Variants in FAM241B observed in about 807,000 individuals in gnomAD.
FAM241B encodes family with sequence similarity 241 member B, also known as protein FAM241B.
In FAM241B, 7 loss-of-function variants were observed where a neutral mutation model predicts 9.3. The ratio of observed to expected loss-of-function variants is 0.75; its 90% CI spans 0.43 to 1.41. The LOEUF (loss-of-function observed/expected upper bound fraction) is 1.41, where lower values mean the gene tolerates loss of function less well. FAM241B is among the 40% of genes most tolerant of loss of function. FAM241B has a pLI of 0.01. For missense variants in FAM241B, 136 were observed against 159.6 expected (o/e 0.85, Z 0.80); for synonymous variants, 60 against 64.1 (o/e 0.94, Z 0.31).
At position 69,633,329 on chromosome 10, in the gene FAM241B, G is replaced by A. The variant is rs1423242712; in HGVS notation, c.*270G>A. 8 of 519,956 alleles carry A rather than the reference G, an allele frequency of 1.5e-5. No homozygotes were observed. The highest frequency in any genetic ancestry group is 2.4e-5 in the South Asian group (1 of 42,020). 32.2% of individuals were successfully genotyped at this position (519,956 alleles called of 1,614,324 possible). ...TGGCACAAAATCAGAGCAAGAAAGC[G>A]ATGCCCTTCCCAATTCTCTCAATCC... On this transcript the variant is annotated 3_prime_UTR_variant, in exon 4 of 4. Coordinates refer to ENST00000373279, the MANE Select transcript of FAM241B (RefSeq NM_145306.3).
At chr10:69,630,641 C>T (rs1340650639) in intron 1 of FAM241B, 1 of 1,300,674 alleles carries the variant, frequency 7.7e-7, no homozygotes, top group South Asian at 1.2e-5. Context: ...GCATACATGT[C>T]ACCAGTGCTA....
intron 3 of FAM241B, among the ~76,000 whole-genome samples, chr10:69,632,552 A>T (rs1352434493): frequency 6.6e-6 from 1 of 151,390 alleles, no homozygotes; most frequent in Admixed American, 6.6e-5. Context: ...TGCCTCAACC[A>T]CTTCCTCTCT....
rs1132075 is a variant in FAM241B at position 69,633,269 on chromosome 10, A to G, written c.*210A>G. ...AGTGTGGGTGGGTCCGTTGGTTCCC[A>G]AGATACTTTTAGGTGGTATGGGGCC... On this transcript the variant is annotated 3_prime_UTR_variant, in exon 4 of 4. Transcript: ENST00000373279. 0.67 allele frequency: 464,229 copies of G among 688,986 alleles called. 158,591 individuals carry two copies. Among genetic ancestry groups the G allele is most frequent in the East Asian group, 0.88 (32,126 of 36,468 alleles). The allele number at this position is 688,986 out of a possible 1,614,324, so 42.7% of individuals were successfully genotyped here.
At chr10:69,630,622 C>G (rs1470870456) in intron 1 of FAM241B, 2 of 1,297,700 alleles carry the variant, frequency 1.5e-6, no homozygotes, top group Non-Finnish European at 2.0e-6. Flanking sequence ...GGGCTCCTGA[C>G]CTTTTTCGGC....
chr10:69,631,961 A>G lies in FAM241B; in HGVS notation c.96+122A>G. The G allele has an allele frequency of 2.4e-6, 3 of 1,273,512 alleles. No homozygotes were observed. In the South Asian group the frequency reaches 4.3e-5, roughly 18 times the overall value. The allele number at this position is 1,273,512 out of a possible 1,614,324, so 78.9% of individuals were successfully genotyped here. A position where few individuals can be genotyped will look rare whatever the true frequency, so the allele number is the denominator to read the frequency against. ...CTAGCCTGAAGCCCTCTTTGCAGAG[A>G]GCTGGGGAAGATGCAGTGGCTTATT... On this transcript the variant is annotated intron_variant, in intron 3 of 3. Coordinates refer to ENST00000373279, the MANE Select transcript of FAM241B (RefSeq NM_145306.3).
intron 3 of FAM241B, among the ~76,000 whole-genome samples, chr10:69,632,208 C>T (rs992122194): frequency 1.3e-5 from 2 of 152,090 alleles, no homozygotes; most frequent in Non-Finnish European, 2.9e-5. Context: ...CACCTGTAAT[C>T]CCAGCACTTT....
Position 69,631,859 on chromosome 10 carries a change from GGAGTGGGACA to G in FAM241B, c.96+23_96+32del, listed in dbSNP as rs1222008906. 1.3e-6 allele frequency: 2 copies of G among 1,597,536 alleles called. No homozygotes were observed. The highest frequency in any genetic ancestry group is 1.7e-6 in the Non-Finnish European group (2 of 1,172,698). ...CGACAGGTAGGTACTCATTTCCTGTGGAGTGGGACAGATGGCCTCCTGTGTACTGGCTACT... is the reference window on the plus strand; with the variant it reads ...CGACAGGTAGGTACTCATTTCCTGTGGATGGCCTCCTGTGTACTGGCTACT... On this transcript the variant is annotated intron_variant, in intron 3 of 3. Transcript: ENST00000373279.
In FAM241B at chr10:69,633,471, T is replaced by C. The variant is rs1237048185; in HGVS notation, c.*412T>C. On this transcript the variant is annotated 3_prime_UTR_variant, in exon 4 of 4. Coordinates refer to ENST00000373279, the MANE Select transcript of FAM241B (RefSeq NM_145306.3). The stretch of plus-strand genomic sequence containing the variant: ...TGGGCTTAGGGCAGGTGGAAAAAAT[T>C]CCAGACTTTTTTAGCACTGTTTTTG... 5.2e-6 allele frequency: 1 copy of C among 190,566 alleles called. No individual in the cohort carries two copies. The highest frequency in any genetic ancestry group is 1.4e-4 in the East Asian group (1 of 7,010). The allele number at this position is 190,566 out of a possible 1,614,324, so 11.8% of individuals were successfully genotyped here. A position where few individuals can be genotyped will look rare whatever the true frequency, so the allele number is the denominator to read the frequency against.
At chr10:69,630,580 G>A in intron 1 of FAM241B, 1 of 1,233,906 alleles carries the variant, frequency 8.1e-7, no homozygotes. Context: ...GGACGCGCCT[G>A]TCCCGGGCTC....
intron 2 of FAM241B, 39 bp from the exon 3 acceptor site, chr10:69,631,670 G>A: frequency 6.4e-7 from 1 of 1,574,298 alleles, no homozygotes. Context: ...TGTGCCACTT[G>A]GCTTCCATTA....
At chr10:69,631,575 G>A in intron 2 of FAM241B, 28 bp downstream of exon 2, 1 of 1,547,478 alleles carries the variant, frequency 6.5e-7, no homozygotes, top group Non-Finnish European at 8.7e-7. Flanking sequence ...AGCTTTTTGA[G>A]GTCAGGGGGA....
Position 69,633,160 on chromosome 10 carries a change from A to G in FAM241B, c.*101A>G, listed in dbSNP as rs1839861725. On this transcript the variant is annotated 3_prime_UTR_variant, in exon 4 of 4. Coordinates refer to ENST00000373279, the MANE Select transcript of FAM241B (RefSeq NM_145306.3). ...GGGGATCTGGTGGTGCCTTGAAGGT[A>G]TGATCAGAGAGGGGACCACAGGTGT... is the stretch of plus-strand genomic sequence containing the variant. 2.7e-6 allele frequency: 4 copies of G among 1,494,688 alleles called. No homozygotes were observed. The highest frequency in any genetic ancestry group is 3.6e-6 in the Non-Finnish European group (4 of 1,099,498). The allele number at this position is 1,494,688 out of a possible 1,614,324, so 92.6% of individuals were successfully genotyped here.
Position 69,633,176 on chromosome 10 carries a change from C to G in FAM241B, c.*117C>G. ...CTTGAAGGTATGATCAGAGAGGGGA[C>G]CACAGGTGTGTGTTTCCCCTTTGTG... On this transcript the variant is annotated 3_prime_UTR_variant, in exon 4 of 4. Transcript: ENST00000373279. 7.2e-7 allele frequency: 1 copy of G among 1,392,402 alleles called. No individual in the cohort carries two copies. Among genetic ancestry groups the G allele is most frequent in the East Asian group, 2.3e-5 (1 of 43,650 alleles). 86.3% of individuals were successfully genotyped at this position (1,392,402 alleles called of 1,614,324 possible).
At chr10:69,632,677 G>A (rs1449325885) in intron 3 of FAM241B, 113 bp from the exon 4 acceptor site, 1 of 1,212,094 alleles carries the variant, frequency 8.3e-7, no homozygotes, top group Non-Finnish European at 1.1e-6. Flanking sequence ...TGAGAAAGGA[G>A]GGTGTGACCC....
In FAM241B at chr10:69,631,598, G is replaced by T. The variant is rs1342729239; in HGVS notation, c.-36+51G>T. On this transcript the variant is annotated intron_variant, in intron 2 of 3. Transcript: ENST00000373279. ...GAGGTCAGGGGGAAAATCCTCCACA[G>T]ATCTTCACGAGTCTGGTCCCAGATC... The T allele has an allele frequency of 3.2e-6, 5 of 1,547,780 alleles. No homozygotes were observed. In the East Asian group the frequency reaches 9.8e-5, roughly 30 times the overall value.
At chr10:69,630,555 C>A (rs2133254965) in intron 1 of FAM241B, 1 of 1,063,586 alleles carries the variant, frequency 9.4e-7, no homozygotes, top group Non-Finnish European at 1.2e-6. Flanking sequence ...CCAGGGCCAG[C>A]GGGCTTCAGG....
chr10:69,632,146 G>A (rs976046786), intron 3 of FAM241B, among the ~76,000 whole-genome samples: 4 of 152,136 alleles, frequency 2.6e-5, no homozygotes, highest in Non-Finnish European at 5.9e-5. Flanking sequence ...GAGGAGATGA[G>A]CCCTGGGCAC....
At chr10:69,631,376 C>T in intron 1 of FAM241B, 104 bp from the exon 2 acceptor site, 4 of 996,488 alleles carry the variant, frequency 4.0e-6, no homozygotes, top group Non-Finnish European at 5.6e-6. Flanking sequence ...GTAAAACTTC[C>T]TTTGCCAAGG....
In FAM241B at chr10:69,633,121, C is replaced by A; in HGVS notation, c.*62C>A. The A allele has an allele frequency of 6.3e-7, 1 of 1,589,738 alleles. No individual in the cohort carries two copies. Among genetic ancestry groups the A allele is most frequent in the Non-Finnish European group, 8.6e-7 (1 of 1,166,868 alleles). On this transcript the variant is annotated 3_prime_UTR_variant, in exon 4 of 4. Transcript: ENST00000373279. ...GACTTGCTGGGCCTTGGTGTGAGAG[C>A]AGGCATATTTGGAGGGGATCTGGTG...
Sources: gnomAD v4.1 joint callset for allele counts (sites outside exome capture counted in the v4.1 genomes callset) on GRCh38, gnomAD v4.1.1 for gene constraint, MANE v1.5 for transcripts, NCBI Gene and HGNC (gene_info 2026-07-23, HGNC 2026-07-21) for gene names.